Variants in KCNH7 observed in about 807,000 individuals in gnomAD.
KCNH7 encodes the protein voltage-gated inwardly rectifying potassium channel KCNH7.
In KCNH7, 49 loss-of-function variants were observed where a neutral mutation model predicts 120.8. That is an observed-to-expected ratio of 0.41 (90% CI 0.32 to 0.51). KCNH7 has a LOEUF of 0.51. KCNH7 is among the 20% of genes least tolerant of loss of function. The pLI is 0.38. For missense variants in KCNH7, 1,097 were observed against 1,446.6 expected (o/e 0.76, Z 3.92); for synonymous variants, 547 against 516.1 (o/e 1.06, Z -0.81).
intron 2 of KCNH7, among the ~76,000 whole-genome samples, chr2:162,817,119 G>T (rs1014486777): frequency 2.6e-5 from 4 of 152,106 alleles, no homozygotes; most frequent in African/African-American, 9.7e-5. Flanking sequence ...TATACAATGT[G>T]TTAGATTTGA....
At chr2:162,656,529 C>A (rs144072557) in intron 2 of KCNH7, among the ~76,000 whole-genome samples, 1 of 152,032 alleles carries the variant, frequency 6.6e-6, no homozygotes, top group Non-Finnish European at 1.5e-5. Context: ...AAAGTCATTA[C>A]GCTGATTTAG....
At chr2:162,827,500 C>T (rs1390728295) in intron 2 of KCNH7, among the ~76,000 whole-genome samples, 2 of 147,782 alleles carry the variant, frequency 1.4e-5, no homozygotes, top group African/African-American at 2.5e-5. Flanking sequence ...ACTAGCTATC[C>T]TCATTCTACT....
In KCNH7 at chr2:162,504,627, A is replaced by G. The variant is rs546410066; in HGVS notation, c.944T>C (p.Leu315Pro). 2 of 1,612,368 alleles carry G rather than the reference A, an allele frequency of 1.2e-6. No individual in the cohort carries two copies. Among genetic ancestry groups the G allele is most frequent in the Admixed American group, 3.3e-5 (2 of 59,882 alleles). Residue 315 changes from leucine (L) to proline (P), a missense_variant, in exon 6 of 16, where the codon CTG becomes CCG. Transcript: ENST00000332142. Reference protein sequence around the residue: ...GPFNHIKSSLLGSTSDSNLNK... With the variant: ...GPFNHIKSSLPGSTSDSNLNK... ...GAGGTTTGAATCTGATGTGGATCCC[A>G]GGAGGCTTGACTTGATATGATTAAA...
intron 2 of KCNH7, among the ~76,000 whole-genome samples, chr2:162,617,196 C>A (rs1355679232): frequency 1.3e-5 from 2 of 152,038 alleles, no homozygotes; most frequent in Non-Finnish European, 2.9e-5. Context: ...TTTAGAAAAG[C>A]AGGCTGGGCG....
chr2:162,651,771 A>G (rs558443203), intron 2 of KCNH7, among the ~76,000 whole-genome samples: 1 of 152,246 alleles, frequency 6.6e-6, no homozygotes, highest in Admixed American at 6.5e-5. Context: ...TCTTTGAGGA[A>G]TTGTCATACT....
intron 14 of KCNH7, among the ~76,000 whole-genome samples, chr2:162,378,521 G>A (rs984395335): frequency 2.0e-5 from 3 of 152,190 alleles, no homozygotes; most frequent in Non-Finnish European, 4.4e-5. Flanking sequence ...GATGTGTTAA[G>A]TACAGATGAG....
At chr2:162,502,822 T>C (rs1690729594) in intron 6 of KCNH7, among the ~76,000 whole-genome samples, 2 of 152,138 alleles carry the variant, frequency 1.3e-5, no homozygotes, top group East Asian at 1.9e-4. Flanking sequence ...CACGGCAGCA[T>C]AGGGTGGCCT....
In KCNH7 at chr2:162,667,948, T is replaced by A. The variant is rs369202421; in HGVS notation, c.308-130868A>T. 1.3e-3 allele frequency among the ~76,000 whole-genome samples: 191 copies of A among 152,306 alleles called. 6 individuals carry two copies. In the South Asian group the frequency reaches 0.036, roughly 29 times the overall value. ...TATTCAATAAATATTTATTGGATGA[T>A]TAAAGTAGATAACATTGTTAGGCTT... On this transcript the variant is annotated intron_variant, in intron 2 of 15. Coordinates refer to ENST00000332142, the MANE Select transcript of KCNH7 (RefSeq NM_033272.4).
At chr2:162,830,906 T>C (rs1299759126) in intron 2 of KCNH7, among the ~76,000 whole-genome samples, 1 of 152,176 alleles carries the variant, frequency 6.6e-6, no homozygotes, top group Non-Finnish European at 1.5e-5. Flanking sequence ...AATAAATCTC[T>C]ATTTTTTATA....
At chr2:162,571,172 A>T (rs1432329318) in intron 2 of KCNH7, among the ~76,000 whole-genome samples, 2 of 151,894 alleles carry the variant, frequency 1.3e-5, no homozygotes, top group East Asian at 2.0e-4. Context: ...AAAATCTCCT[A>T]AAGCTGATAA....
chr2:162,400,143 C>T (rs770485337), intron 10 of KCNH7, 46 bp downstream of exon 10: 3 of 1,594,496 alleles, frequency 1.9e-6, no homozygotes. Flanking sequence ...CTATGCATTA[C>T]AAGCTAATAA....
At chr2:162,683,505 A>C (rs1372742812) in intron 2 of KCNH7, among the ~76,000 whole-genome samples, 6 of 151,948 alleles carry the variant, frequency 3.9e-5, no homozygotes, top group Admixed American at 3.3e-4. Flanking sequence ...TCAAACTTTC[A>C]AGGAAACTAC....
At chr2:162,640,657 C>G (rs1559058693) in intron 2 of KCNH7, among the ~76,000 whole-genome samples, 1 of 152,026 alleles carries the variant, frequency 6.6e-6, no homozygotes, top group Non-Finnish European at 1.5e-5. Context: ...AATTCTTAGA[C>G]TTGACACCCA....
intron 3 of KCNH7, among the ~76,000 whole-genome samples, chr2:162,531,862 TG>T (rs1691936614): frequency 6.6e-6 from 1 of 151,992 alleles, no homozygotes; most frequent in African/African-American, 2.4e-5. Flanking sequence ...AGCTGAGGTA[TG>T]TTTGATTTGG....
chr2:162,476,028 G>A (rs1358791935), intron 6 of KCNH7, among the ~76,000 whole-genome samples: 1 of 152,202 alleles, frequency 6.6e-6, no homozygotes, highest in African/African-American at 2.4e-5. Flanking sequence ...TGCAACTGGA[G>A]AAGCCCCTTT....
intron 2 of KCNH7, among the ~76,000 whole-genome samples, chr2:162,759,247 T>C (rs1380745584): frequency 6.6e-6 from 1 of 151,794 alleles, no homozygotes; most frequent in African/African-American, 2.4e-5. Flanking sequence ...GTCAGAGGAG[T>C]AAATTGGATT....
rs754431209 is a variant in KCNH7, at chr2:162,384,671, G to A, written c.2962+17C>T. On this transcript the variant is annotated intron_variant, in intron 13 of 15. Transcript: ENST00000332142. ...TAGCACTGAAGAGAGACCACCTGAT[G>A]TCTAACTCTGGATTACCTTTGCAAG... 8.7e-6 allele frequency: 14 copies of A among 1,610,402 alleles called. No individual in the cohort carries two copies. Among genetic ancestry groups the A allele is most frequent in the African/African-American group, 1.3e-5 (1 of 74,646 alleles).
intron 2 of KCNH7, among the ~76,000 whole-genome samples, chr2:162,835,051 A>G (rs142334725): frequency 7.9e-5 from 12 of 152,260 alleles, no homozygotes; most frequent in Non-Finnish European, 1.3e-4. Context: ...AAAAGACATG[A>G]GTTACATTTG....
At chr2:162,676,512 C>T (rs533043507) in intron 2 of KCNH7, among the ~76,000 whole-genome samples, 10 of 151,530 alleles carry the variant, frequency 6.6e-5, no homozygotes, top group African/African-American at 2.2e-4. Flanking sequence ...TCCATTGACA[C>T]AGTTGCATTA....
Sources: allele counts gnomAD v4.1 joint callset (sites outside exome capture counted in the v4.1 genomes callset), GRCh38; gene constraint gnomAD v4.1.1; transcripts MANE v1.5; gene names NCBI Gene and HGNC (gene_info 2026-07-23, HGNC 2026-07-21).